The following AGAP1 variants were observed in gnomAD, a reference collection of about 807,000 sequenced individuals.
AGAP1 encodes ArfGAP with GTPase domain, ankyrin repeat and PH domain 1.
In AGAP1, 29 loss-of-function variants were observed where a neutral mutation model predicts 105.3. The ratio of observed to expected loss-of-function variants is 0.28; its 90% CI spans 0.21 to 0.38. The LOEUF (loss-of-function observed/expected upper bound fraction) is 0.38. AGAP1 is among the 10% of genes least tolerant of loss of function. AGAP1 has a pLI of 1.00. For synonymous variants in AGAP1, 509 were observed against 485.9 expected, an observed-to-expected ratio of 1.05 and a Z score of -0.63; for missense variants, 998 against 1,165.1, an observed-to-expected ratio of 0.86 and a Z score of 2.09.
chr2:235,819,475 T>G (rs1410873892), intron 9 of AGAP1, among the ~76,000 whole-genome samples: 1 of 152,062 alleles, frequency 6.6e-6, no homozygotes, highest in Non-Finnish European at 1.5e-5. Context: ...AGCCACACTT[T>G]GAGATCCCCT....
At chr2:236,094,442 C>T (rs746257855) in intron 16 of AGAP1, among the ~76,000 whole-genome samples, 29 of 151,724 alleles carry the variant, frequency 1.9e-4, no homozygotes, top group Non-Finnish European at 3.1e-4. Flanking sequence ...ACCTCCACCT[C>T]CCGGGATCAA....
In AGAP1 at chr2:236,119,733, A is replaced by G. The variant is rs1261334935; in HGVS notation, c.2115-459A>G. On this transcript the variant is annotated intron_variant, in intron 16 of 17. Transcript: ENST00000304032. The surrounding 1 kb of genome is among the most constrained non-coding windows in gnomAD (Gnocchi z 6.6). ...TGCTTCCATCGTGCTGGTCCCAGGCAGTAGGGTGGTTTCCCCTGTGCATCG... is the reference window on the plus strand; with the variant it reads ...TGCTTCCATCGTGCTGGTCCCAGGCGGTAGGGTGGTTTCCCCTGTGCATCG... Among the ~76,000 whole-genome samples the G allele has an allele frequency of 6.6e-6, 1 of 152,130 alleles. No individual in the cohort carries two copies. Among genetic ancestry groups the G allele is most frequent in the Non-Finnish European group, 1.5e-5 (1 of 68,018 alleles).
chr2:235,966,258 T>C (rs2054390110), intron 12 of AGAP1, among the ~76,000 whole-genome samples: 1 of 128,508 alleles, frequency 7.8e-6, no homozygotes, highest in Non-Finnish European at 1.6e-5. Context: ...TCCGTTCCTC[T>C]GGGGATGGAG....
At chr2:235,985,096 G>A (rs1336604604) in intron 13 of AGAP1, among the ~76,000 whole-genome samples, 9 of 152,098 alleles carry the variant, frequency 5.9e-5, no homozygotes, top group Middle Eastern at 3.4e-3. Context: ...CTATTTCTCC[G>A]TAGCCTCACC....
rs1307576173 is a variant in AGAP1 at position 235,744,423 on chromosome 2, G to T, written c.397-275G>T. On this transcript the variant is annotated intron_variant, in intron 4 of 17. Transcript: ENST00000304032. The surrounding 1 kb of genome is among the most constrained non-coding windows in gnomAD (Gnocchi z 5.2). ...AGGCCAGGAGCATGAGGACCGCGGG[G>T]ACACTGTGTGGTTTGTGTCCTCTGA... is the stretch of plus-strand genomic sequence containing the variant. Among the ~76,000 whole-genome samples the T allele has an allele frequency of 6.6e-6, 1 of 152,188 alleles. No individual in the cohort carries two copies. Among genetic ancestry groups the T allele is most frequent in the Non-Finnish European group, 1.5e-5 (1 of 68,044 alleles).
Position 235,882,346 on chromosome 2 carries a change from G to T in AGAP1, c.1051-999G>T. The T allele has an allele frequency of 1.6e-6, 2 of 1,244,052 alleles. No individual in the cohort carries two copies. Among genetic ancestry groups the T allele is most frequent in the Non-Finnish European group, 2.3e-6 (2 of 876,112 alleles). The allele number at this position is 1,244,052 out of a possible 1,614,324, so 77.1% of individuals were successfully genotyped here. A position where few individuals can be genotyped will look rare whatever the true frequency, so the allele number is the denominator to read the frequency against. On this transcript the variant is annotated intron_variant, in intron 9 of 17. Coordinates refer to ENST00000304032, the MANE Select transcript of AGAP1 (RefSeq NM_001037131.3). The surrounding 1 kb of genome is among the most constrained non-coding windows in gnomAD (Gnocchi z 4.6). The stretch of plus-strand genomic sequence containing the variant: ...GGGGTCTTAAGGATGACGAGGGCAG[G>T]AAATCCTCCGGGCTCTTAGGAAATT...
At chr2:236,102,229 A>C (rs187431798) in intron 16 of AGAP1, among the ~76,000 whole-genome samples, 1 of 152,092 alleles carries the variant, frequency 6.6e-6, no homozygotes, top group South Asian at 2.1e-4. Flanking sequence ...CATCCTGGCT[A>C]ACACGGTGAA....
At chr2:235,546,858 A>G (rs539674481) in intron 1 of AGAP1, among the ~76,000 whole-genome samples, 16 of 152,278 alleles carry the variant, frequency 1.1e-4, no homozygotes, top group African/African-American at 3.6e-4. Context: ...TTTTATCTAG[A>G]TGCTGCTGTG....
chr2:236,057,378 GGATT>G (rs1443491118), intron 16 of AGAP1, among the ~76,000 whole-genome samples: 2 of 152,154 alleles, frequency 1.3e-5, no homozygotes, highest in Non-Finnish European at 2.9e-5. Flanking sequence ...CAAAGTGCTG[GGATT>G]ACAGGCATGA....
At chr2:235,990,311 C>T (rs1286525553) in intron 13 of AGAP1, among the ~76,000 whole-genome samples, 1 of 152,230 alleles carries the variant, frequency 6.6e-6, no homozygotes, top group Non-Finnish European at 1.5e-5. Flanking sequence ...CACCTTCCAG[C>T]AGAGTTCCCT....
rs1184317747 is a variant in AGAP1 at position 235,953,250 on chromosome 2, T to C, written c.1484-15212T>C. The stretch of plus-strand genomic sequence containing the variant: ...TGAGGACAGATAAGGGGGAATGAAT[T>C]TTGCAAATTAGCATTTGATTTAACC... On this transcript the variant is annotated intron_variant, in intron 12 of 17. Coordinates refer to ENST00000304032, the MANE Select transcript of AGAP1 (RefSeq NM_001037131.3). The surrounding 1 kb of genome is among the most constrained non-coding windows in gnomAD (Gnocchi z 5.2). 6.6e-6 allele frequency among the ~76,000 whole-genome samples: 1 copy of C among 152,178 alleles called. No homozygotes were observed. Among genetic ancestry groups the C allele is most frequent in the Non-Finnish European group, 1.5e-5 (1 of 68,030 alleles).
chr2:235,584,636 C>T (rs1945042694), intron 1 of AGAP1, among the ~76,000 whole-genome samples: 1 of 151,740 alleles, frequency 6.6e-6, no homozygotes, highest in South Asian at 2.1e-4. Flanking sequence ...TCATAAGGAG[C>T]ACGGCCCTGC....
At chr2:235,850,300 A>T (rs1009581646) in intron 9 of AGAP1, among the ~76,000 whole-genome samples, 1 of 152,196 alleles carries the variant, frequency 6.6e-6, no homozygotes, top group African/African-American at 2.4e-5. Flanking sequence ...ATGCAATGGA[A>T]ATCTCCATAG....
chr2:235,859,402 C>G lies in AGAP1; in HGVS notation c.1051-23943C>G, dbSNP rs1186395366. On this transcript the variant is annotated intron_variant, in intron 9 of 17. Coordinates refer to ENST00000304032, the MANE Select transcript of AGAP1 (RefSeq NM_001037131.3). ...CTCTCCCCCCACAACCTCCCCCCCCCCCCCCGCCTTTTGTTCCATCCCCTT... is the reference window on the plus strand; with the variant it reads ...CTCTCCCCCCACAACCTCCCCCCCCGCCCCCGCCTTTTGTTCCATCCCCTT... Among the ~76,000 whole-genome samples, 252 of 95,656 alleles carry G rather than the reference C, an allele frequency of 2.6e-3. 16 individuals carry two copies. The highest frequency in any genetic ancestry group is 5.7e-3 in the African/African-American group (200 of 35,228). The allele number at this position is 95,656 out of a possible 152,430, so 62.8% of individuals were successfully genotyped here.
rs1946615577 is a variant in AGAP1, at chr2:235,625,678, G to GT, written c.164-83499dup. 2.0e-5 allele frequency among the ~76,000 whole-genome samples: 3 copies of GT among 152,186 alleles called. No individual in the cohort carries two copies. Among genetic ancestry groups the GT allele is most frequent in the Admixed American group, 1.3e-4 (2 of 15,276 alleles). The stretch of plus-strand genomic sequence containing the variant: ...TGCAACTTTTCTAAATACAGAGTTG[G>GT]TTGTGACATATTCAGCTGGGGGAAA... On this transcript the variant is annotated intron_variant, in intron 1 of 17. Coordinates refer to ENST00000304032, the MANE Select transcript of AGAP1 (RefSeq NM_001037131.3). This position sits in a 1 kb window ranked among gnomAD's most constrained non-coding sequence, Gnocchi z 4.0.
At chr2:235,697,552 A>G (rs1023917685) in intron 1 of AGAP1, among the ~76,000 whole-genome samples, 16 of 152,038 alleles carry the variant, frequency 1.1e-4, no homozygotes, top group Non-Finnish European at 1.9e-4. Context: ...GGCTTCACAG[A>G]CTGTGCTCCC....
rs1439088090 is a variant in AGAP1 at position 236,090,143 on chromosome 2, C to T, written c.2115-30049C>T. On this transcript the variant is annotated intron_variant, in intron 16 of 17. Coordinates refer to ENST00000304032, the MANE Select transcript of AGAP1 (RefSeq NM_001037131.3). The surrounding 1 kb of genome is among the most constrained non-coding windows in gnomAD (Gnocchi z 4.3). ...AGCCCTTCACAGAGACCGGCCGTGT[C>T]CTCACCCCTCTGTCACCATTGTGGG... 6.6e-6 allele frequency among the ~76,000 whole-genome samples: 1 copy of T among 152,184 alleles called. No homozygotes were observed. The highest frequency in any genetic ancestry group is 1.5e-5 in the Non-Finnish European group (1 of 68,040).
Position 236,061,539 on chromosome 2 carries a change from GA to G in AGAP1, c.2114+12259del. Among the ~76,000 whole-genome samples the G allele has an allele frequency of 6.6e-6, 1 of 152,300 alleles. No individual in the cohort carries two copies. The highest frequency in any genetic ancestry group is 1.5e-5 in the Non-Finnish European group (1 of 68,012). On this transcript the variant is annotated intron_variant, in intron 16 of 17. Transcript: ENST00000304032. The surrounding 1 kb of genome is among the most constrained non-coding windows in gnomAD (Gnocchi z 4.1). ...CTGCCATGGGAAGGAGTGAAGTGTG[GA>G]TACAGGTTGTAACGTGGGTGAACCT... is the stretch of plus-strand genomic sequence containing the variant.
chr2:235,743,313 C>T (rs1008065816), intron 4 of AGAP1, among the ~76,000 whole-genome samples: 5 of 152,162 alleles, frequency 3.3e-5, no homozygotes, highest in African/African-American at 4.8e-5. Context: ...ACGTTTCCTC[C>T]GGGTGGATGC....
Sources: gnomAD v4.1 joint callset for allele counts (sites outside exome capture counted in the v4.1 genomes callset) on GRCh38, gnomAD v4.1.1 for gene constraint, Gnocchi (gnomAD v3.1) non-coding constraint, MANE v1.5 for transcripts, NCBI Gene and HGNC (gene_info 2026-07-23, HGNC 2026-07-21) for gene names.